KCNQ1OT1: variants seen among roughly 807,000 people sequenced by gnomAD.
KCNQ1OT1 encodes the protein KCNQ1 antisense RNA 2 (non-protein coding).
chr11:2,669,170 G>T lies in KCNQ1OT1; in HGVS notation n.30825C>A, dbSNP rs1297053176. On this transcript the variant is annotated non_coding_transcript_exon_variant, in exon 1 of 1. Transcript: ENST00000597346. The surrounding 1 kb of genome is among the most constrained non-coding windows in gnomAD (Gnocchi z 5.6). The stretch of plus-strand genomic sequence containing the variant: ...GGTCAGATTCAAGTTGTTCTTTGTG[G>T]CCAGGACCTTGCTTCCTTCTCACTG... 2.3e-5 allele frequency: 9 copies of T among 398,516 alleles called. No individual in the cohort carries two copies. Among genetic ancestry groups the T allele is most frequent in the Non-Finnish European group, 2.7e-5 (6 of 226,100 alleles). 24.7% of individuals were successfully genotyped at this position (398,516 alleles called of 1,614,324 possible).
exon 1 of KCNQ1OT1, chr11:2,684,935 A>G (rs1850458526): frequency 2.5e-6 from 1 of 398,530 alleles, no homozygotes; most frequent in Non-Finnish European, 4.4e-6. Flanking sequence ...TCCATGCAGC[A>G]TGTTATCTTT....
Position 2,677,374 on chromosome 11 carries a change from T to C in KCNQ1OT1, n.22621A>G. On this transcript the variant is annotated non_coding_transcript_exon_variant, in exon 1 of 1. Coordinates refer to ENST00000597346, the Ensembl canonical transcript of KCNQ1OT1. This position sits in a 1 kb window ranked among gnomAD's most constrained non-coding sequence, Gnocchi z 4.5. The stretch of plus-strand genomic sequence containing the variant: ...CAGAGTAGACCAGTTAGTTAATCAG[T>C]TGAAGAGGAAACCAAGATCGATGCC... 2.5e-6 allele frequency: 1 copy of C among 398,610 alleles called. No individual in the cohort carries two copies. Among genetic ancestry groups the C allele is most frequent in the Non-Finnish European group, 4.4e-6 (1 of 226,060 alleles). 24.7% of individuals were successfully genotyped at this position (398,610 alleles called of 1,614,324 possible). A position where few individuals can be genotyped will look rare whatever the true frequency, so the allele number is the denominator to read the frequency against.
exon 1 of KCNQ1OT1, chr11:2,648,320 G>T: frequency 2.5e-6 from 1 of 398,444 alleles, no homozygotes; most frequent in South Asian, 1.3e-4. Context: ...TTTTAGGTTT[G>T]ATTTGTTCTT....
In KCNQ1OT1 at chr11:2,654,062, C is replaced by T. The variant is rs1171200667; in HGVS notation, n.45933G>A. 7.5e-6 allele frequency: 3 copies of T among 398,612 alleles called. No individual in the cohort carries two copies. The Admixed American group carries it at 1.3e-4, about 18-fold the overall frequency. The allele number at this position is 398,612 out of a possible 1,614,324, so 24.7% of individuals were successfully genotyped here. Reference sequence around the variant, plus strand: ...TTCCTGGCAGCTGTTGTGGGAATGGCTTTTACACTTTCCATCCATGTCCCT... The same window carrying T: ...TTCCTGGCAGCTGTTGTGGGAATGGTTTTTACACTTTCCATCCATGTCCCT... On this transcript the variant is annotated non_coding_transcript_exon_variant, in exon 1 of 1. Transcript: ENST00000597346. The surrounding 1 kb of genome is among the most constrained non-coding windows in gnomAD (Gnocchi z 6.4).
At chr11:2,666,150 A>T (rs1850062711) in exon 1 of KCNQ1OT1, 1 of 398,460 alleles carries the variant, frequency 2.5e-6, no homozygotes, top group Admixed American at 4.4e-5. Context: ...GGCATCTTAG[A>T]TGGGCAAGCC....
chr11:2,677,536 T>C lies in KCNQ1OT1; in HGVS notation n.22459A>G, dbSNP rs1306807800. On this transcript the variant is annotated non_coding_transcript_exon_variant, in exon 1 of 1. Coordinates refer to ENST00000597346, the Ensembl canonical transcript of KCNQ1OT1. This position sits in a 1 kb window ranked among gnomAD's most constrained non-coding sequence, Gnocchi z 4.5. ...AGTGCTGCCAACATCCTCTGCCAAG[T>C]ATAAAAGATGCCCTCAGATGTTACC... is the stretch of plus-strand genomic sequence containing the variant. 1.0e-5 allele frequency: 4 copies of C among 398,418 alleles called. No individual in the cohort carries two copies. The highest frequency in any genetic ancestry group is 1.3e-4 in the South Asian group (1 of 7,864). The allele number at this position is 398,418 out of a possible 1,614,324, so 24.7% of individuals were successfully genotyped here. A position where few individuals can be genotyped will look rare whatever the true frequency, so the allele number is the denominator to read the frequency against.
exon 1 of KCNQ1OT1, chr11:2,618,768 T>C: frequency 2.5e-6 from 1 of 398,498 alleles, no homozygotes; most frequent in Non-Finnish European, 4.4e-6. Flanking sequence ...GTATATTGAT[T>C]TGGATATTAT....
chr11:2,619,345 T>C (rs1849125338), exon 1 of KCNQ1OT1: 1 of 398,448 alleles, frequency 2.5e-6, no homozygotes, highest in African/African-American at 2.1e-5. Context: ...TTGAGGAGTG[T>C]TCCTTCTATA....
exon 1 of KCNQ1OT1, chr11:2,615,069 G>A: frequency 2.5e-6 from 1 of 398,156 alleles, no homozygotes; most frequent in Non-Finnish European, 4.4e-6. Context: ...TTTAATTTTT[G>A]TCAACAGTGT....
exon 1 of KCNQ1OT1, chr11:2,636,571 G>A (rs577437491): frequency 5.3e-5 from 8 of 152,212 alleles, no homozygotes; most frequent in Admixed American, 5.2e-4. Context: ...TTGATGTGCT[G>A]CTGGATTCGG....
At chr11:2,688,647 A>G (rs1337964544) in exon 1 of KCNQ1OT1, 1 of 398,622 alleles carries the variant, frequency 2.5e-6, no homozygotes, top group Non-Finnish European at 4.4e-6. Flanking sequence ...TGCCTCCTAA[A>G]CATAGGGCTG....
rs550874836 is a variant in KCNQ1OT1 at position 2,655,047 on chromosome 11, G to A, written n.44948C>T. 341 of 398,540 alleles carry A rather than the reference G, an allele frequency of 8.6e-4. 1 individual carries two copies. The highest frequency in any genetic ancestry group is 8.9e-4 in the Non-Finnish European group (201 of 226,048). 24.7% of individuals were successfully genotyped at this position (398,540 alleles called of 1,614,324 possible). ...CACCCAAAGACAAAGTTAACATTTG[G>A]ATCTGTTTCCTTCTAGTCTTTTTTC... On this transcript the variant is annotated non_coding_transcript_exon_variant, in exon 1 of 1. Coordinates refer to ENST00000597346, the Ensembl canonical transcript of KCNQ1OT1.
At position 2,699,484 on chromosome 11, in the gene KCNQ1OT1, C is replaced by G. The variant is rs1000990816; in HGVS notation, n.511G>C. ...GGGAGAGTGCCGCGCTGAGGAGCCC[C>G]CGGGGAGAGTGCCGCGCTGAGGAGC... On this transcript the variant is annotated non_coding_transcript_exon_variant, in exon 1 of 1. Coordinates refer to ENST00000597346, the Ensembl canonical transcript of KCNQ1OT1. 574 of 370,972 alleles carry G rather than the reference C, an allele frequency of 1.5e-3. 1 individual carries two copies. The highest frequency in any genetic ancestry group is 1.4e-3 in the Non-Finnish European group (302 of 214,610). The allele number at this position is 370,972 out of a possible 1,614,324, so 23.0% of individuals were successfully genotyped here.
At position 2,620,323 on chromosome 11, in the gene KCNQ1OT1, T is replaced by G. The variant is rs1849148123; in HGVS notation, n.79672A>C. 4.9e-6 allele frequency: 1 copy of G among 203,200 alleles called. No individual in the cohort carries two copies. The highest frequency in any genetic ancestry group is 1.9e-4 in the South Asian group (1 of 5,270). The allele number at this position is 203,200 out of a possible 1,614,324, so 12.6% of individuals were successfully genotyped here. A position where few individuals can be genotyped will look rare whatever the true frequency, so the allele number is the denominator to read the frequency against. On this transcript the variant is annotated non_coding_transcript_exon_variant, in exon 1 of 1. Transcript: ENST00000597346. The surrounding 1 kb of genome is among the most constrained non-coding windows in gnomAD (Gnocchi z 4.5). ...CCTCCGCCTACCGGGTTCAAGTGAT[T>G]CTCCTGCCTCAGCCTCCTGAGTAGC...
In KCNQ1OT1 at chr11:2,668,729, A is replaced by T. The variant is rs570597099; in HGVS notation, n.31266T>A. 15 of 398,622 alleles carry T rather than the reference A, an allele frequency of 3.8e-5. No individual in the cohort carries two copies. In the South Asian group the frequency reaches 1.9e-3, roughly 51 times the overall value. 24.7% of individuals were successfully genotyped at this position (398,622 alleles called of 1,614,324 possible). ...TCTCACAGACACACACATTGCAAAT[A>T]TCGCCTCCCCCTCTGCAGGCTGCCT... is the stretch of plus-strand genomic sequence containing the variant. On this transcript the variant is annotated non_coding_transcript_exon_variant, in exon 1 of 1. Transcript: ENST00000597346. The surrounding 1 kb of genome is among the most constrained non-coding windows in gnomAD (Gnocchi z 4.3).
At chr11:2,667,688 AG>A (rs1204737738) in exon 1 of KCNQ1OT1, 16 of 398,706 alleles carry the variant, frequency 4.0e-5, no homozygotes, top group African/African-American at 2.3e-4. Context: ...TGAAGCACGG[AG>A]GTGACCTAGT....
Position 2,662,013 on chromosome 11 carries a change from C to T in KCNQ1OT1, n.37982G>A, listed in dbSNP as rs1060503982. 4.3e-6 allele frequency: 7 copies of T among 1,614,228 alleles called. No homozygotes were observed. Among genetic ancestry groups the T allele is most frequent in the African/African-American group, 2.7e-5 (2 of 75,058 alleles). Reference sequence around the variant, plus strand: ...TGAGCATGCCCCATTTCATGAGAACCAACAGCTTCGCCGAGGACCTGGACC... The same window carrying T: ...TGAGCATGCCCCATTTCATGAGAACTAACAGCTTCGCCGAGGACCTGGACC... On this transcript the variant is annotated non_coding_transcript_exon_variant, in exon 1 of 1. Transcript: ENST00000597346.
chr11:2,627,217 T>A lies in KCNQ1OT1; in HGVS notation n.72778A>T. On this transcript the variant is annotated non_coding_transcript_exon_variant, in exon 1 of 1. Coordinates refer to ENST00000597346, the Ensembl canonical transcript of KCNQ1OT1. This position sits in a 1 kb window ranked among gnomAD's most constrained non-coding sequence, Gnocchi z 4.9. ...TGAGGTATAATTGACAAATTAAAAG[T>A]GCATATATTTAAGAACATATTTGAC... is the stretch of plus-strand genomic sequence containing the variant. 2.5e-6 allele frequency: 1 copy of A among 398,562 alleles called. No individual in the cohort carries two copies. Among genetic ancestry groups the A allele is most frequent in the East Asian group, 3.6e-5 (1 of 28,052 alleles). The allele number at this position is 398,562 out of a possible 1,614,324, so 24.7% of individuals were successfully genotyped here.
exon 1 of KCNQ1OT1, chr11:2,609,239 C>A (rs1279158628): frequency 1.8e-5 from 7 of 398,102 alleles, no homozygotes; most frequent in Non-Finnish European, 4.4e-6. Flanking sequence ...TTTCATTAAT[C>A]TCAAAGTACG....
Sources: gnomAD v4.1 joint callset for allele counts on GRCh38, gnomAD v4.1.1 for gene constraint, Gnocchi (gnomAD v3.1) non-coding constraint, MANE v1.5 for transcripts, NCBI Gene and HGNC (gene_info 2026-07-23, HGNC 2026-07-21) for gene names.